Variants in ARID1A observed in about 807,000 individuals in gnomAD.
ARID1A encodes the protein AT-rich interaction domain 1A.
A neutral mutation model predicts 212.6 loss-of-function variants in ARID1A; 20 were observed. That is an observed-to-expected ratio of 0.09 (90% CI 0.07 to 0.14). The LOEUF (loss-of-function observed/expected upper bound fraction) is 0.14, where lower values mean the gene tolerates loss of function less well. Ranked by LOEUF, ARID1A falls within the 10% of genes least tolerant of loss-of-function variation. ARID1A has a pLI of 1.00. For missense variants in ARID1A, 2,587 were observed against 3,059.0 expected (o/e 0.85, Z 3.64); for synonymous variants, 1,376 against 1,222.1 (o/e 1.13, Z -2.63).
At position 26,696,606 on chromosome 1, in the gene ARID1A, C is replaced by G. The variant is rs2124740723; in HGVS notation, c.203C>G (p.Pro68Arg). 10 of 1,236,046 alleles carry G rather than the reference C, an allele frequency of 8.1e-6. No homozygotes were observed. Among genetic ancestry groups the G allele is most frequent in the Non-Finnish European group, 1.0e-5 (10 of 991,540 alleles). 76.6% of individuals were successfully genotyped at this position (1,236,046 alleles called of 1,614,324 possible). ...GGCCCCGCCGTGGGGCCGCCGCAGC[C>G]GCTGGGAAAGGAGCTGCAGGACGGG... ...SEGPAVGPPQ[P>R]LGKELQDGAE... The change falls in exon 1 of 20, where the codon CCG becomes CGG. Residue 68 changes from proline to arginine, a missense_variant. Around this residue, in one of 11 missense-constraint regions of ARID1A, gnomAD observed 735 missense variants for 590.6 expected, o/e 1.24. Coordinates refer to ENST00000324856, the MANE Select transcript of ARID1A (RefSeq NM_006015.6).
At chr1:26,699,540 G>A (rs1226719051) in intron 1 of ARID1A, among the ~76,000 whole-genome samples, 1 of 152,208 alleles carries the variant, frequency 6.6e-6, no homozygotes, top group East Asian at 1.9e-4. Context: ...TGGGCTTGGA[G>A]CTCTGTGCCT....
At chr1:26,701,423 A>T (rs1431060880) in intron 1 of ARID1A, among the ~76,000 whole-genome samples, 3 of 152,112 alleles carry the variant, frequency 2.0e-5, no homozygotes, top group Non-Finnish European at 4.4e-5. Context: ...ACGCACACTT[A>T]CGTTGTTATT....
rs952059303 is a variant in ARID1A at position 26,731,612 on chromosome 1, A to G, written c.1803+8A>G. The stretch of plus-strand genomic sequence containing the variant: ...CGCTTCCCTCCACCGCAGGTAAGAT[A>G]TCCCTGCCTCCTGCCCTTCCCTGTG... On this transcript the variant is annotated splice_region_variant and intron_variant, in intron 3 of 19. Transcript: ENST00000324856. 1 of 1,611,720 alleles carries G rather than the reference A, an allele frequency of 6.2e-7. No individual in the cohort carries two copies. The highest frequency in any genetic ancestry group is 8.5e-7 in the Non-Finnish European group (1 of 1,178,116).
intron 1 of ARID1A, among the ~76,000 whole-genome samples, chr1:26,720,635 T>C (rs531552019): frequency 5.3e-5 from 8 of 152,156 alleles, no homozygotes; most frequent in African/African-American, 1.9e-4. Context: ...CCCAGCACTT[T>C]GGGAGGCTGA....
rs369923774 is a variant in ARID1A, at chr1:26,729,842, C to T, written c.1329C>T (p.Gly443=). 92 of 1,614,006 alleles carry T rather than the reference C, an allele frequency of 5.7e-5. No homozygotes were observed. Among genetic ancestry groups the T allele is most frequent in the Non-Finnish European group, 6.9e-5 (82 of 1,180,038 alleles). ...TMQGRAQSAM[G]GLSYTQQIPP... Reference sequence around the variant, plus strand: ...AGGGCCGGGCGCAGAGTGCCATGGGCGGCCTCTCTTATACACAGCAGGTAG... The same window carrying T: ...AGGGCCGGGCGCAGAGTGCCATGGGTGGCCTCTCTTATACACAGCAGGTAG... The change falls in exon 2 of 20, where the codon GGC becomes GGT. Residue 443 remains glycine, a synonymous_variant. Transcript: ENST00000324856.
chr1:26,753,926 C>A (rs1030473694), intron 4 of ARID1A, among the ~76,000 whole-genome samples: 2 of 152,158 alleles, frequency 1.3e-5, no homozygotes, highest in African/African-American at 4.8e-5. Context: ...CCTGCCTCAG[C>A]CTCCCGAGTA....
chr1:26,701,637 A>G (rs963752925), intron 1 of ARID1A, among the ~76,000 whole-genome samples: 2 of 152,150 alleles, frequency 1.3e-5, no homozygotes, highest in African/African-American at 4.8e-5. Context: ...TCACTCTAAG[A>G]TGCTACATAT....
intron 1 of ARID1A, among the ~76,000 whole-genome samples, chr1:26,715,416 A>G (rs1188811487): frequency 1.3e-5 from 2 of 152,192 alleles, no homozygotes; most frequent in African/African-American, 2.4e-5. Flanking sequence ...AAGGACAGCA[A>G]TATTCAGTTG....
At chr1:26,732,850 C>T in intron 4 of ARID1A, 58 bp downstream of exon 4, 1 of 1,412,004 alleles carries the variant, frequency 7.1e-7, no homozygotes, top group Non-Finnish European at 9.9e-7. Flanking sequence ...CCAATGCAAA[C>T]TAGTTAGTTT....
Position 26,780,944 on chromosome 1 carries a change from T to A in ARID1A, c.*188T>A. The A allele has an allele frequency of 1.3e-6, 1 of 766,446 alleles. No individual in the cohort carries two copies. The highest frequency in any genetic ancestry group is 2.0e-6 in the Non-Finnish European group (1 of 499,932). 47.5% of individuals were successfully genotyped at this position (766,446 alleles called of 1,614,324 possible). A position where few individuals can be genotyped will look rare whatever the true frequency, so the allele number is the denominator to read the frequency against. On this transcript the variant is annotated 3_prime_UTR_variant, in exon 20 of 20. Transcript: ENST00000324856. This position sits in a 1 kb window ranked among gnomAD's most constrained non-coding sequence, Gnocchi z 7.2. Reference sequence around the variant, plus strand: ...TTCCACCTCCCCTCCCTCCATCACCTCACGCCTTTCTGTTCCTTGTCCTCA... The same window carrying A: ...TTCCACCTCCCCTCCCTCCATCACCACACGCCTTTCTGTTCCTTGTCCTCA...
intron 4 of ARID1A, among the ~76,000 whole-genome samples, chr1:26,751,963 G>A (rs1414563013): frequency 2.0e-5 from 3 of 152,172 alleles, no homozygotes; most frequent in African/African-American, 7.2e-5. Context: ...AGTTTGGTGG[G>A]GGATTTCATC....
At chr1:26,707,995 C>T (rs1338192555) in intron 1 of ARID1A, among the ~76,000 whole-genome samples, 1 of 152,128 alleles carries the variant, frequency 6.6e-6, no homozygotes, top group Non-Finnish European at 1.5e-5. Context: ...GCCTGAAACT[C>T]TTAAATGGGG....
intron 4 of ARID1A, among the ~76,000 whole-genome samples, chr1:26,752,496 TCAA>T (rs1292033990): frequency 1.3e-5 from 2 of 152,332 alleles, no homozygotes; most frequent in South Asian, 2.1e-4. Context: ...TCTGCTACCC[TCAA>T]CAAGTTGTTG....
intron 1 of ARID1A, among the ~76,000 whole-genome samples, chr1:26,700,649 A>G (rs918340738): frequency 6.6e-6 from 1 of 152,206 alleles, no homozygotes; most frequent in African/African-American, 2.4e-5. Context: ...AACAAGTTGG[A>G]TTTTATTGTA....
intron 1 of ARID1A, among the ~76,000 whole-genome samples, chr1:26,702,266 T>A (rs2080338623): frequency 6.6e-6 from 1 of 152,202 alleles, no homozygotes; most frequent in Non-Finnish European, 1.5e-5. Flanking sequence ...ATCGCTATGG[T>A]TTAAAAAACT....
chr1:26,762,442 C>G lies in ARID1A; in HGVS notation c.2419+123C>G, dbSNP rs994329265. ...GGGCTGTCCTTTGCCTTTAATCCAC[C>G]CAGCCCAGGCCCTGAAGTAGGGCAA... On this transcript the variant is annotated intron_variant, in intron 7 of 19. Transcript: ENST00000324856. 4.5e-6 allele frequency: 5 copies of G among 1,112,182 alleles called. No homozygotes were observed. In the African/African-American group the frequency reaches 6.3e-5, roughly 14 times the overall value. 68.9% of individuals were successfully genotyped at this position (1,112,182 alleles called of 1,614,324 possible).
chr1:26,709,823 C>T (rs1490962312), intron 1 of ARID1A, among the ~76,000 whole-genome samples: 1 of 150,576 alleles, frequency 6.6e-6, no homozygotes, highest in African/African-American at 2.4e-5. Flanking sequence ...GCTATCAGGG[C>T]TAGCTTGCTT....
In ARID1A at chr1:26,702,148, C is replaced by T. The variant is rs571851206; in HGVS notation, c.1137+4608C>T. ...GGGCAGTTGGTTGTAATCTGAGTGCCTGGACTTGCCCTGTAAGTTTTGCTG... is the reference window on the plus strand; with the variant it reads ...GGGCAGTTGGTTGTAATCTGAGTGCTTGGACTTGCCCTGTAAGTTTTGCTG... On this transcript the variant is annotated intron_variant, in intron 1 of 19. Coordinates refer to ENST00000324856, the MANE Select transcript of ARID1A (RefSeq NM_006015.6). 3.9e-5 allele frequency among the ~76,000 whole-genome samples: 6 copies of T among 152,236 alleles called. No homozygotes were observed. The East Asian group carries it at 7.7e-4, about 20-fold the overall frequency.
intron 1 of ARID1A, among the ~76,000 whole-genome samples, chr1:26,706,281 T>C (rs1319730617): frequency 6.6e-6 from 1 of 152,212 alleles, no homozygotes; most frequent in African/African-American, 2.4e-5. Flanking sequence ...CCATGGCTCA[T>C]CACTAGCAGC....
Sources: allele counts gnomAD v4.1 joint callset (sites outside exome capture counted in the v4.1 genomes callset), GRCh38; gene constraint gnomAD v4.1.1; regional missense constraint gnomAD v4.1.1; non-coding constraint Gnocchi (gnomAD v3.1); transcripts MANE v1.5; gene names NCBI Gene and HGNC (gene_info 2026-07-23, HGNC 2026-07-21).